GFUS: variants seen among roughly 807,000 people sequenced by gnomAD.
GFUS encodes GDP-L-fucose synthase.
GFUS carries 42 observed loss-of-function variants against 41.5 expected under a neutral mutation model. That is an observed-to-expected ratio of 1.01 (90% confidence interval 0.79 to 1.31). The LOEUF is 1.31. Ranked by LOEUF, GFUS falls within the 50% of genes most tolerant of loss-of-function variation. The probability of loss-of-function intolerance (pLI) is 0.00; values close to 1 mark genes in which losing one functional copy is unlikely to be tolerated. For missense variants in GFUS, 437 were observed against 428.7 expected (o/e 1.02, Z -0.17); for synonymous variants, 188 against 173.4 (o/e 1.08, Z -0.66).
At chr8:143,617,613 C>A (rs981310752), upstream of GFUS, 8 of 152,142 alleles carry the variant, frequency 5.3e-5, no homozygotes, top group East Asian at 1.5e-3. Context: ...GGGCGCGCAG[C>A]GTCCCGGGCA....
upstream of GFUS, chr8:143,617,716 C>G (rs532137318): frequency 6.6e-6 from 1 of 152,072 alleles, no homozygotes; most frequent in Non-Finnish European, 1.5e-5. Flanking sequence ...GACGAAGTCC[C>G]GGGCCGCAAC....
rs112689710 is a variant in GFUS at position 143,616,727 on chromosome 8, T to G, written c.-11-4A>C. 6.2e-7 allele frequency: 1 copy of G among 1,613,538 alleles called. No homozygotes were observed. Among genetic ancestry groups the G allele is most frequent in the African/African-American group, 1.3e-5 (1 of 75,012 alleles). ...GGTTCACCCATGTCAGTTGCACCTG[T>G]AATGTCAAACAGTGGGAGGCTGAGG... On this transcript the variant is annotated splice_region_variant and splice_polypyrimidine_tract_variant and intron_variant, in intron 1 of 10. Transcript: ENST00000425753.
chr8:143,612,863 G>C lies in GFUS; in HGVS notation c.*47C>G, dbSNP rs750895970. On this transcript the variant is annotated 3_prime_UTR_variant, in exon 11 of 11. Transcript: ENST00000425753. ...AGGGTTGACGGGTGGTGGCCGCTGG[G>C]CTCTGCCAGCCGATGGTCCGCTGGC... is the stretch of plus-strand genomic sequence containing the variant. 4 of 1,575,406 alleles carry C rather than the reference G, an allele frequency of 2.5e-6. No homozygotes were observed. The highest frequency in any genetic ancestry group is 1.7e-4 in the Middle Eastern group (1 of 6,042).
At chr8:143,615,909 T>A in intron 3 of GFUS, 197 bp downstream of exon 3, 1 of 497,234 alleles carries the variant, frequency 2.0e-6, no homozygotes, top group South Asian at 3.5e-5. Flanking sequence ...GCCCCCTGCA[T>A]GGCCCTCTGT....
Position 143,616,547 on chromosome 8 carries a change from C to T in GFUS, c.146+20G>A, listed in dbSNP as rs1829731080. ...GGTAGGATGGAGAGGAAGGGCTGAT[C>T]TGGGGATGGGCTCACTCACGTGAGA... On this transcript the variant is annotated intron_variant, in intron 2 of 10. Transcript: ENST00000425753. 2 of 1,613,640 alleles carry T rather than the reference C, an allele frequency of 1.2e-6. No homozygotes were observed. Among genetic ancestry groups the T allele is most frequent in the African/African-American group, 2.7e-5 (2 of 74,916 alleles).
rs1385370762 is a variant in GFUS at position 143,614,899 on chromosome 8, A to G, written c.278T>C (p.Met93Thr). ...NLDFWRKNVHMNDNVLHSAFE... is the reference protein window; with the variant it reads ...NLDFWRKNVHTNDNVLHSAFE... ...GGCCGAGTGCAGGACGTTGTCGTTC[A>G]TGTGCACGTTTTTCCTCTGCAGGGG... Residue 93 changes from methionine to threonine, a missense_variant, in exon 4 of 11, where the codon ATG (methionine) becomes ACG (threonine). By Grantham distance (81) the Met-to-Thr change is moderately conservative. Transcript: ENST00000425753. 1.2e-6 allele frequency: 2 copies of G among 1,609,808 alleles called. No individual in the cohort carries two copies. The highest frequency in any genetic ancestry group is 1.1e-5 in the South Asian group (1 of 90,798).
chr8:143,614,664 C>A lies in GFUS; in HGVS notation c.424G>T (p.Gly142Trp). 1 of 1,608,790 alleles carries A rather than the reference C, an allele frequency of 6.2e-7. No individual in the cohort carries two copies. Among genetic ancestry groups the A allele is most frequent in the Non-Finnish European group, 8.5e-7 (1 of 1,175,952 alleles). Residue 142 changes from glycine to tryptophan, a missense_variant, in exon 5 of 11, where the codon GGG becomes TGG. Physicochemically the swap from Gly to Trp is radical, Grantham distance 184. Coordinates refer to ENST00000425753, the MANE Select transcript of GFUS (RefSeq NM_003313.4). ...ATCATCCTCTTGGCATACGAGTACCCAAAATTGCTGTTGTGGGGAGGCCCA... is the reference window on the plus strand; with the variant it reads ...ATCATCCTCTTGGCATACGAGTACCAAAAATTGCTGTTGTGGGGAGGCCCA... ...HNGPPHNSNFGYSYAKRMIDV... is the reference protein window; with the variant it reads ...HNGPPHNSNFWYSYAKRMIDV...
chr8:143,613,682 C>CA (rs1384651397), intron 8 of GFUS, 69 bp downstream of exon 8: 2 of 1,574,836 alleles, frequency 1.3e-6, no homozygotes, highest in East Asian at 2.4e-5. Context: ...ACCCCTCAGC[C>CA]AGCCTCCCAG....
rs759133270 is a variant in GFUS, at chr8:143,613,181, G to A, written c.910+15C>T. On this transcript the variant is annotated intron_variant, in intron 10 of 10. Transcript: ENST00000425753. ...AGGCCTCCACCAAGTGGAGGGCTGT[G>A]GGGTCAGGGCTCACCCTGCTTGAAG... 1 of 1,612,158 alleles carries A rather than the reference G, an allele frequency of 6.2e-7. No individual in the cohort carries two copies. The highest frequency in any genetic ancestry group is 1.7e-5 in the Admixed American group (1 of 60,018).
intron 10 of GFUS, 109 bp downstream of exon 10, chr8:143,613,087 G>A (rs1699948376): frequency 6.5e-7 from 1 of 1,540,670 alleles, no homozygotes; most frequent in African/African-American, 1.4e-5. Flanking sequence ...CCCACCTCCA[G>A]GGCAGTACAG....
Position 143,616,618 on chromosome 8 carries a change from C to T in GFUS, c.95G>A (p.Gly32Glu), listed in dbSNP as rs1415065134. ...AIQKVVADGA[G>E]LPGEDWVFVS... ...AAACACCCAGTCCTCTCCAGGAAGT[C>T]CAGCTCCATCTGCTACCACCTTCTG... Residue 32 changes from glycine (G) to glutamate (E), a missense_variant, in exon 2 of 11, where the codon GGA (glycine) becomes GAA (glutamate). Physicochemically the swap from Gly to Glu is moderately conservative, Grantham distance 98 (BLOSUM62 -2). Transcript: ENST00000425753. 1.9e-6 allele frequency: 3 copies of T among 1,613,884 alleles called. No homozygotes were observed. Among genetic ancestry groups the T allele is most frequent in the South Asian group, 2.2e-5 (2 of 91,086 alleles).
At chr8:143,615,852 C>A in intron 3 of GFUS, 1 of 433,218 alleles carries the variant, frequency 2.3e-6, no homozygotes, top group Non-Finnish European at 4.1e-6. Context: ...CCTCCCAATG[C>A]TGCAAGTCAG....
Position 143,614,930 on chromosome 8 carries a change from C to T in GFUS, c.262-15G>A, listed in dbSNP as rs763699865. On this transcript the variant is annotated splice_polypyrimidine_tract_variant and intron_variant, in intron 3 of 10. Coordinates refer to ENST00000425753, the MANE Select transcript of GFUS (RefSeq NM_003313.4). Reference sequence around the variant, plus strand: ...ACGTTTTTCCTCTGCAGGGGTGAGGCGGGGACAGTTCAGGCTCCCCAGGCC... The same window carrying T: ...ACGTTTTTCCTCTGCAGGGGTGAGGTGGGGACAGTTCAGGCTCCCCAGGCC... 10 of 1,590,072 alleles carry T rather than the reference C, an allele frequency of 6.3e-6. No individual in the cohort carries two copies. Among genetic ancestry groups the T allele is most frequent in the Admixed American group, 5.1e-5 (3 of 58,920 alleles).
At chr8:143,616,763 C>T (rs781422832) in intron 1 of GFUS, 40 bp from the exon 2 acceptor site, 2 of 1,610,790 alleles carry the variant, frequency 1.2e-6, no homozygotes, top group South Asian at 2.2e-5. Context: ...TCATCACGCT[C>T]TCATCCTTTG....
In GFUS at chr8:143,613,791, G is replaced by C. The variant is rs1181715557; in HGVS notation, c.690C>G (p.Val230=). ...GCTCCACTTCATTGTACTCCCGCAG[G>C]ACCCAGATAAAGAGCTGGGCCAGGT... ...SLDLAQLFIW[V]LREYNEVEPI... Residue 230 remains valine, a synonymous_variant, in exon 8 of 11, where the codon GTC becomes GTG. Coordinates refer to ENST00000425753, the MANE Select transcript of GFUS (RefSeq NM_003313.4). The C allele has an allele frequency of 6.4e-7, 1 of 1,550,796 alleles. No homozygotes were observed. Among genetic ancestry groups the C allele is most frequent in the Non-Finnish European group, 8.7e-7 (1 of 1,147,006 alleles).
In GFUS at chr8:143,613,275, A is replaced by G. The variant is rs1442208629; in HGVS notation, c.831T>C (p.Asp277=). ...GEVTFDTTKS[D]GQFKKTASNS... ...TACTGGCTGTCTTCTTAAACTGCCC[A>G]TCCGACTTGGTTGTATCAAACTGGA... The change falls in exon 10 of 11, where the codon GAT becomes GAC. Residue 277 remains aspartate (D), a synonymous_variant. Coordinates refer to ENST00000425753, the MANE Select transcript of GFUS (RefSeq NM_003313.4). 1.2e-6 allele frequency: 2 copies of G among 1,613,960 alleles called. No homozygotes were observed. Among genetic ancestry groups the G allele is most frequent in the East Asian group, 2.2e-5 (1 of 44,892 alleles).
chr8:143,617,618 C>G (rs937172322), upstream of GFUS: 7 of 152,228 alleles, frequency 4.6e-5, no homozygotes, highest in Admixed American at 3.9e-4. Flanking sequence ...CGCAGCGTCC[C>G]GGGCACAGCT....
intron 7 of GFUS, 61 bp from the exon 8 acceptor site, chr8:143,613,878 C>T: frequency 1.3e-6 from 2 of 1,518,154 alleles, no homozygotes; most frequent in African/African-American, 2.8e-5. Context: ...CCCAAACGCC[C>T]CTGCTGGGGA....
chr8:143,616,025 G>T (rs937942026), intron 3 of GFUS, 81 bp downstream of exon 3: 2 of 1,229,214 alleles, frequency 1.6e-6, no homozygotes, highest in Non-Finnish European at 2.3e-6. Flanking sequence ...ATGTGGGCCT[G>T]TGAGAGTGGG....
Sources: allele counts gnomAD v4.1 joint callset, GRCh38; gene constraint gnomAD v4.1.1; transcripts MANE v1.5; gene names NCBI Gene and HGNC (gene_info 2026-07-23, HGNC 2026-07-21).